Variants in LRP1B observed in about 807,000 individuals in gnomAD.
The protein encoded by LRP1B is low-density lipoprotein receptor-related protein 1B.
In LRP1B, 217 loss-of-function variants were observed where a neutral mutation model predicts 556.6. The ratio of observed to expected loss-of-function variants is 0.39; its 90% CI spans 0.35 to 0.44. The LOEUF is 0.44. Ranked by LOEUF, LRP1B falls within the 20% of genes least tolerant of loss-of-function variation. The pLI is 1.00. For synonymous variants in LRP1B, 2,047 were observed against 1,865.8 expected (o/e 1.10, Z -2.50); for missense variants, 5,053 against 5,620.8 (o/e 0.90, Z 3.23).
At chr2:141,428,434 T>C (rs1291967017) in intron 3 of LRP1B, among the ~76,000 whole-genome samples, 1 of 152,194 alleles carries the variant, frequency 6.6e-6, no homozygotes, top group African/African-American at 2.4e-5. Flanking sequence ...AATCTAATGC[T>C]AAGCTAAAAA....
At chr2:141,520,184 T>C (rs760133269) in intron 2 of LRP1B, among the ~76,000 whole-genome samples, 6 of 152,224 alleles carry the variant, frequency 3.9e-5, no homozygotes, top group South Asian at 2.1e-4. Context: ...TTTGGTAACA[T>C]AGTAATTCCT....
At chr2:141,448,716 A>G (rs1174237061) in intron 3 of LRP1B, among the ~76,000 whole-genome samples, 2 of 152,048 alleles carry the variant, frequency 1.3e-5, no homozygotes, top group Admixed American at 6.6e-5. Flanking sequence ...CTCGCCCTCC[A>G]CGGGCTAAAC....
intron 1 of LRP1B, among the ~76,000 whole-genome samples, chr2:141,989,008 A>G (rs530251741): frequency 4.7e-4 from 72 of 152,136 alleles, no homozygotes; most frequent in African/African-American, 1.7e-3. Flanking sequence ...TACCAAACTA[A>G]TTTACTTTAA....
intron 35 of LRP1B, among the ~76,000 whole-genome samples, chr2:140,760,327 G>A (rs1688871166): frequency 1.3e-5 from 2 of 152,142 alleles, no homozygotes; most frequent in Admixed American, 1.3e-4. Flanking sequence ...AACATGCACA[G>A]GGCATTGTTT....
chr2:140,701,831 C>A lies in LRP1B; in HGVS notation c.6317G>T (p.Gly2106Val), dbSNP rs2105426519. Residue 2106 changes from glycine to valine, a missense_variant, in exon 40 of 91, where the codon GGG becomes GTG. Coordinates refer to ENST00000389484, the MANE Select transcript of LRP1B (RefSeq NM_018557.3). ...ATTCTTGTGGCCCCTTCTGACAGAC[C>A]CGTTTGCATGTGCTCTGCCAAAAAG... ...IYWSDRAHAN[G>V]SVRRGHKNDA... 4 of 1,613,006 alleles carry A rather than the reference C, an allele frequency of 2.5e-6. No individual in the cohort carries two copies. The highest frequency in any genetic ancestry group is 3.4e-6 in the Non-Finnish European group (4 of 1,179,350).
intron 1 of LRP1B, among the ~76,000 whole-genome samples, chr2:141,878,838 G>A (rs1022804538): frequency 6.6e-5 from 10 of 151,698 alleles, no homozygotes; most frequent in Non-Finnish European, 1.3e-4. Context: ...GGACAGAAGG[G>A]CAGTTATCAC....
chr2:141,667,671 T>C (rs1426805748), intron 2 of LRP1B, among the ~76,000 whole-genome samples: 1 of 152,224 alleles, frequency 6.6e-6, no homozygotes, highest in Non-Finnish European at 1.5e-5. Flanking sequence ...GGATTCACTC[T>C]TCTCTTTCTA....
chr2:141,946,513 A>G (rs1040814249), intron 1 of LRP1B, among the ~76,000 whole-genome samples: 7 of 152,138 alleles, frequency 4.6e-5, no homozygotes, highest in African/African-American at 1.4e-4. Flanking sequence ...ACAGAGTGAA[A>G]AATAATGACA....
intron 1 of LRP1B, among the ~76,000 whole-genome samples, chr2:141,962,518 C>A (rs560178694): frequency 2.0e-5 from 3 of 151,878 alleles, no homozygotes; most frequent in Non-Finnish European, 2.9e-5. Context: ...TCAACTACAA[C>A]CTACAGAGGT....
At chr2:140,687,901 T>C (rs996915268) in intron 41 of LRP1B, among the ~76,000 whole-genome samples, 2 of 152,160 alleles carry the variant, frequency 1.3e-5, no homozygotes, top group Non-Finnish European at 2.9e-5. Context: ...ACTGTTTTCT[T>C]AGAAATTTTG....
At chr2:140,877,201 A>C (rs1410121393) in intron 25 of LRP1B, among the ~76,000 whole-genome samples, 1 of 152,216 alleles carries the variant, frequency 6.6e-6, no homozygotes, top group Non-Finnish European at 1.5e-5. Flanking sequence ...CCACATATAT[A>C]AACGACTTTC....
At chr2:140,922,228 G>A (rs1694755694) in intron 21 of LRP1B, among the ~76,000 whole-genome samples, 1 of 151,732 alleles carries the variant, frequency 6.6e-6, no homozygotes, top group South Asian at 2.1e-4. Context: ...AAATATAGTA[G>A]AATATAAGAC....
At chr2:140,902,447 T>C (rs1694131596) in intron 23 of LRP1B, among the ~76,000 whole-genome samples, 1 of 152,064 alleles carries the variant, frequency 6.6e-6, no homozygotes, top group South Asian at 2.1e-4. Flanking sequence ...TGAAATATCA[T>C]AATCTAAAGC....
intron 2 of LRP1B, among the ~76,000 whole-genome samples, chr2:141,512,168 G>T (rs1349504787): frequency 6.6e-6 from 1 of 152,064 alleles, no homozygotes; most frequent in Non-Finnish European, 1.5e-5. Flanking sequence ...CAACAATCAT[G>T]ACAAATAGGT....
intron 2 of LRP1B, among the ~76,000 whole-genome samples, chr2:141,488,660 C>T (rs2105106644): frequency 6.6e-6 from 1 of 152,080 alleles, no homozygotes; most frequent in African/African-American, 2.4e-5. Flanking sequence ...AGGGTCTCAC[C>T]ATGTTGCCCA....
At chr2:140,541,728 G>T (rs2105019411) in intron 44 of LRP1B, 51 bp downstream of exon 44, 1 of 1,351,732 alleles carries the variant, frequency 7.4e-7, no homozygotes, top group Non-Finnish European at 1.0e-6. Flanking sequence ...CATTTTTAGA[G>T]ATCAGAGATT....
chr2:141,981,535 C>T (rs949754529), intron 1 of LRP1B, among the ~76,000 whole-genome samples: 6 of 152,040 alleles, frequency 3.9e-5, no homozygotes, highest in African/African-American at 1.4e-4. Flanking sequence ...TAGGAGTTGG[C>T]ATTTTATTCT....
chr2:140,495,831 G>C (rs1688901304), intron 55 of LRP1B, 83 bp from the exon 56 acceptor site: 1 of 1,165,182 alleles, frequency 8.6e-7, no homozygotes, highest in Non-Finnish European at 1.2e-6. Context: ...CATTAAGCAA[G>C]AAAAGCATTT....
chr2:141,399,793 C>T lies in LRP1B; in HGVS notation c.343+80603G>A, dbSNP rs573555728. ...AGTTTGGCGAGATAGAAATAGAAAC[C>T]AAATTTGTCAAATTCCAGAATCTAC... is the stretch of plus-strand genomic sequence containing the variant. On this transcript the variant is annotated intron_variant, in intron 3 of 90. Transcript: ENST00000389484. Among the ~76,000 whole-genome samples, 7 of 152,180 alleles carry T rather than the reference C, an allele frequency of 4.6e-5. 1 individual carries two copies. The highest frequency in any genetic ancestry group is 1.7e-4 in the African/African-American group (7 of 41,528).
Sources: allele counts gnomAD v4.1 joint callset (sites outside exome capture counted in the v4.1 genomes callset), GRCh38; gene constraint gnomAD v4.1.1; transcripts MANE v1.5; gene names NCBI Gene and HGNC (gene_info 2026-07-23, HGNC 2026-07-21).